Variants in CD44 observed in about 807,000 individuals in gnomAD.
CD44 encodes the protein CD44 molecule (IN blood group).
Under a neutral mutation model 88.8 loss-of-function variants are expected in CD44, and 49 were observed. The ratio of observed to expected loss-of-function variants is 0.55; its 90% confidence interval spans 0.44 to 0.70. The LOEUF (loss-of-function observed/expected upper bound fraction) is 0.70, where lower values mean the gene tolerates loss of function less well. Among genes scored for constraint, CD44 ranks in the 30% least tolerant of loss-of-function variants. CD44 has a pLI of 0.00. For missense variants in CD44, 883 were observed against 913.8 expected, an observed-to-expected ratio of 0.97 and a Z score of 0.43; for synonymous variants, 325 against 312.3, an observed-to-expected ratio of 1.04 and a Z score of -0.43.
At chr11:35,224,927 G>T (rs80126447) in intron 17 of CD44, among the ~76,000 whole-genome samples, 1 of 152,088 alleles carries the variant, frequency 6.6e-6, no homozygotes, top group African/African-American at 2.4e-5. Context: ...TCTTCTCTAC[G>T]CATCGCCATA....
chr11:35,204,639 T>C lies in CD44; in HGVS notation c.1281T>C (p.Ala427=), dbSNP rs772251068. 1 of 1,612,592 alleles carries C rather than the reference T, an allele frequency of 6.2e-7. No homozygotes were observed. Among genetic ancestry groups the C allele is most frequent in the Non-Finnish European group, 8.5e-7 (1 of 1,178,992 alleles). The part of the protein sequence containing the change: ...KEDSHSTTGT[A]AASAHTSHPM... ...ACTCCCATTCGACAACAGGGACAGC[T>C]GGTAATGGATGGTTTAACAAGTAAA... Residue 427 remains alanine, a splice_region_variant and synonymous_variant, in exon 10 of 18, where the codon GCT becomes GCC. Coordinates refer to ENST00000428726, the MANE Select transcript of CD44 (RefSeq NM_000610.4).
intron 14 of CD44, 90 bp downstream of exon 14, chr11:35,211,539 TG>T: frequency 1.1e-6 from 1 of 947,094 alleles, no homozygotes; most frequent in Non-Finnish European, 1.7e-6. Context: ...CTGTGTAGTC[TG>T]GGATTGGACT....
At position 35,211,464 on chromosome 11, in the gene CD44, A is replaced by G; in HGVS notation, c.1810+15A>G. Reference sequence around the variant, plus strand: ...TTCCTTATCAGGTAATTTGGCATTTATTATCTAGTTTGCTTTCTCTATATA... The same window carrying G: ...TTCCTTATCAGGTAATTTGGCATTTGTTATCTAGTTTGCTTTCTCTATATA... On this transcript the variant is annotated intron_variant, in intron 14 of 17. Transcript: ENST00000428726. 6.3e-7 allele frequency: 1 copy of G among 1,595,570 alleles called. No homozygotes were observed. Among genetic ancestry groups the G allele is most frequent in the Non-Finnish European group, 8.6e-7 (1 of 1,163,280 alleles).
intron 1 of CD44, among the ~76,000 whole-genome samples, chr11:35,153,464 T>A (rs1941451057): frequency 1.3e-5 from 2 of 152,204 alleles, no homozygotes. Flanking sequence ...CACAGCAACC[T>A]GACCTTTGAC....
intron 11 of CD44, among the ~76,000 whole-genome samples, chr11:35,207,205 T>C (rs1378858589): frequency 6.6e-6 from 1 of 152,208 alleles, no homozygotes; most frequent in Non-Finnish European, 1.5e-5. Context: ...TCTTTAATAT[T>C]TTAGTGTTGA....
intron 1 of CD44, among the ~76,000 whole-genome samples, chr11:35,154,855 C>T (rs903293554): frequency 2.0e-5 from 3 of 152,062 alleles, no homozygotes; most frequent in African/African-American, 7.2e-5. Flanking sequence ...TAAAATATTA[C>T]CTCCCAGGGC....
rs151038658 is a variant in CD44 at position 35,228,549 on chromosome 11, A to C, written c.2025-580A>C. Among the ~76,000 whole-genome samples the C allele has an allele frequency of 8.5e-5, 13 of 152,354 alleles. No homozygotes were observed. The East Asian group carries it at 2.5e-3, about 29-fold the overall frequency. On this transcript the variant is annotated intron_variant, in intron 17 of 17. Coordinates refer to ENST00000428726, the MANE Select transcript of CD44 (RefSeq NM_000610.4). Reference sequence around the variant, plus strand: ...GCTAAAATGCTTAAAAGAGGCAAACATTTCCATTGTGAAGTAAGATAGAAA... The same window carrying C: ...GCTAAAATGCTTAAAAGAGGCAAACCTTTCCATTGTGAAGTAAGATAGAAA...
chr11:35,170,147 G>T (rs1421351282), intron 1 of CD44, among the ~76,000 whole-genome samples: 2 of 152,156 alleles, frequency 1.3e-5, no homozygotes, highest in African/African-American at 4.8e-5. Context: ...ACCCTGACAG[G>T]TTCGCATTGT....
intron 14 of CD44, among the ~76,000 whole-genome samples, chr11:35,211,788 A>G (rs1356930056): frequency 6.6e-6 from 1 of 152,046 alleles, no homozygotes. Context: ...CATGAAACTG[A>G]TATTTTTGCA....
At chr11:35,164,804 G>C (rs1200497362) in intron 1 of CD44, among the ~76,000 whole-genome samples, 1 of 152,174 alleles carries the variant, frequency 6.6e-6, no homozygotes, top group Non-Finnish European at 1.5e-5. Context: ...ACTAAGCCTG[G>C]CTCATGGATA....
chr11:35,192,046 T>C (rs1946321290), intron 5 of CD44, among the ~76,000 whole-genome samples: 1 of 152,222 alleles, frequency 6.6e-6, no homozygotes. Flanking sequence ...GACTACATAT[T>C]ATTGGTTTAG....
Position 35,139,193 on chromosome 11 carries a change from C to A in CD44, c.-111C>A, listed in dbSNP as rs2132887635. The stretch of plus-strand genomic sequence containing the variant: ...AGCCTCATTGCCCAGCGGACCCCAG[C>A]CTCTGCCAGGTTCGGTCCGCCATCC... On this transcript the variant is annotated 5_prime_UTR_variant, in exon 1 of 18. Coordinates refer to ENST00000428726, the MANE Select transcript of CD44 (RefSeq NM_000610.4). The A allele has an allele frequency of 1.3e-6, 1 of 796,780 alleles. No homozygotes were observed. Among genetic ancestry groups the A allele is most frequent in the Non-Finnish European group, 2.1e-6 (1 of 470,486 alleles). 49.4% of individuals were successfully genotyped at this position (796,780 alleles called of 1,614,324 possible). A position where few individuals can be genotyped will look rare whatever the true frequency, so the allele number is the denominator to read the frequency against.
In CD44 at chr11:35,231,942, C is replaced by A. The variant is rs1333424201; in HGVS notation, c.*2609C>A. 2 of 152,182 alleles carry A rather than the reference C, an allele frequency of 1.3e-5. No homozygotes were observed. The highest frequency in any genetic ancestry group is 4.8e-5 in the African/African-American group (2 of 41,456). The allele number at this position is 152,182 out of a possible 1,614,324, so 9.4% of individuals were successfully genotyped here. ...AAAGAGACAAAAGACATCTTCGAAT[C>A]CATATTTCAAGCCTGGTAGAATTGG... On this transcript the variant is annotated 3_prime_UTR_variant, in exon 18 of 18. Coordinates refer to ENST00000428726, the MANE Select transcript of CD44 (RefSeq NM_000610.4).
chr11:35,180,516 C>A, intron 3 of CD44, 109 bp downstream of exon 3: 1 of 1,192,460 alleles, frequency 8.4e-7, no homozygotes, highest in Non-Finnish European at 1.2e-6. Flanking sequence ...AACAAATGCT[C>A]ACTGAATATC....
chr11:35,206,043 T>C, intron 10 of CD44, 69 bp from the exon 11 acceptor site: 2 of 1,480,382 alleles, frequency 1.4e-6, no homozygotes, highest in East Asian at 5.1e-5. Flanking sequence ...TTTTTAAAAA[T>C]AAAATCGGTG....
intron 16 of CD44, among the ~76,000 whole-genome samples, chr11:35,221,270 G>A (rs1415911135): frequency 3.3e-5 from 5 of 152,122 alleles, no homozygotes; most frequent in African/African-American, 9.7e-5. Flanking sequence ...ATGTAAGGTG[G>A]ATAGGTGGAT....
At chr11:35,178,254 G>T (rs1013144728) in intron 2 of CD44, among the ~76,000 whole-genome samples, 12 of 152,198 alleles carry the variant, frequency 7.9e-5, no homozygotes, top group Non-Finnish European at 1.5e-4. Context: ...ATATAGATAT[G>T]CTGCCATGTG....
At chr11:35,182,538 G>A (rs929902175) in intron 3 of CD44, among the ~76,000 whole-genome samples, 3 of 152,104 alleles carry the variant, frequency 2.0e-5, no homozygotes, top group Non-Finnish European at 4.4e-5. Context: ...AGTAGTACAC[G>A]ACTCATACAT....
chr11:35,169,568 G>A (rs74601311), intron 1 of CD44, among the ~76,000 whole-genome samples: 7,195 of 152,216 alleles, frequency 0.047, 250 homozygotes, highest in Non-Finnish European at 0.07. Flanking sequence ...CACCTCTCAG[G>A]AAAGTTTGGG....
Sources: allele counts gnomAD v4.1 joint callset (sites outside exome capture counted in the v4.1 genomes callset), GRCh38; gene constraint gnomAD v4.1.1; transcripts MANE v1.5; gene names NCBI Gene and HGNC (gene_info 2026-07-23, HGNC 2026-07-21).